SLC10A7: variants seen among roughly 807,000 people sequenced by gnomAD.
The protein encoded by SLC10A7 is solute carrier family 10 member 7, also known as sodium/bile acid cotransporter 7.
A neutral mutation model predicts 43.2 loss-of-function variants in SLC10A7; 29 were observed. The ratio of observed to expected loss-of-function variants is 0.67; its 90% CI spans 0.50 to 0.92. SLC10A7 has a LOEUF of 0.92. Among genes scored for constraint, SLC10A7 ranks in the 40% least tolerant of loss-of-function variants. The pLI is 0.00. For missense variants in SLC10A7, 295 were observed against 403.2 expected (o/e 0.73, Z 2.30); for synonymous variants, 152 against 144.8 (o/e 1.05, Z -0.35).
chr4:146,299,039 A>T (rs529661466), intron 7 of SLC10A7, among the ~76,000 whole-genome samples: 2 of 152,378 alleles, frequency 1.3e-5, no homozygotes, highest in East Asian at 3.8e-4. Context: ...TGAATGACAA[A>T]CTTTTATCAC....
chr4:146,398,606 T>C (rs949823240), intron 5 of SLC10A7, among the ~76,000 whole-genome samples: 5 of 152,320 alleles, frequency 3.3e-5, no homozygotes, highest in African/African-American at 4.8e-5. Flanking sequence ...GACCACAGCA[T>C]GCTGGAATTA....
rs1379596044 is a variant in SLC10A7, at chr4:146,256,144, G to A, written c.*347C>T. On this transcript the variant is annotated 3_prime_UTR_variant, in exon 12 of 12. Transcript: ENST00000335472. ...ATCAGAAGGGCATTTTCCTGATGGT[G>A]TGACCTCATTTCAAACATTACAGTA... 4.4e-6 allele frequency: 1 copy of A among 226,472 alleles called. No individual in the cohort carries two copies. The highest frequency in any genetic ancestry group is 5.5e-5 in the Admixed American group (1 of 18,020). The allele number at this position is 226,472 out of a possible 1,614,324, so 14.0% of individuals were successfully genotyped here. A position where few individuals can be genotyped will look rare whatever the true frequency, so the allele number is the denominator to read the frequency against.
chr4:146,456,035 C>A (rs535175727), intron 4 of SLC10A7, among the ~76,000 whole-genome samples: 1 of 151,556 alleles, frequency 6.6e-6, no homozygotes, highest in Non-Finnish European at 1.5e-5. Context: ...ATACTCCCAC[C>A]ACGGCCAATT....
intron 5 of SLC10A7, among the ~76,000 whole-genome samples, chr4:146,398,867 T>C (rs115302806): frequency 6.4e-4 from 98 of 152,338 alleles, no homozygotes; most frequent in Non-Finnish European, 1.1e-3. Flanking sequence ...ATGGTTCATT[T>C]ATTCTACAGA....
At chr4:146,396,397 A>G (rs1481503650) in intron 5 of SLC10A7, among the ~76,000 whole-genome samples, 2 of 152,116 alleles carry the variant, frequency 1.3e-5, no homozygotes, top group Non-Finnish European at 2.9e-5. Flanking sequence ...AATCAAATAA[A>G]TTATTTTTTA....
At chr4:146,467,562 CTTT>C (rs397995707) in intron 4 of SLC10A7, among the ~76,000 whole-genome samples, 2 of 92,842 alleles carry the variant, frequency 2.2e-5, no homozygotes, top group South Asian at 4.1e-4. Context: ...TTCTTTCTCT[CTTT>C]TTTTTTTTTT....
At chr4:146,407,840 G>A (rs894461447) in intron 5 of SLC10A7, among the ~76,000 whole-genome samples, 6 of 152,038 alleles carry the variant, frequency 3.9e-5, no homozygotes, top group African/African-American at 1.4e-4. Flanking sequence ...ACAGATAGCC[G>A]AGATATTGAT....
At chr4:146,436,825 C>T (rs1579183856) in intron 5 of SLC10A7, among the ~76,000 whole-genome samples, 1 of 151,918 alleles carries the variant, frequency 6.6e-6, no homozygotes, top group South Asian at 2.1e-4. Flanking sequence ...TTAATAGTAG[C>T]TTTTTTTTCC....
intron 10 of SLC10A7, among the ~76,000 whole-genome samples, chr4:146,282,943 T>C (rs1166172951): frequency 6.6e-6 from 1 of 152,178 alleles, no homozygotes; most frequent in Non-Finnish European, 1.5e-5. Context: ...GGTAATCTTG[T>C]ATGAGAATTG....
intron 4 of SLC10A7, among the ~76,000 whole-genome samples, chr4:146,497,792 A>T (rs1012174130): frequency 1.1e-4 from 16 of 151,746 alleles, no homozygotes; most frequent in Admixed American, 3.9e-4. Context: ...GTTTCTTTAA[A>T]TTTTTTTTTC....
intron 5 of SLC10A7, among the ~76,000 whole-genome samples, chr4:146,411,578 T>G (rs1728196747): frequency 1.3e-5 from 2 of 152,188 alleles, no homozygotes; most frequent in Non-Finnish European, 2.9e-5. Flanking sequence ...AGTATTAGTG[T>G]TACTAATGTA....
intron 5 of SLC10A7, among the ~76,000 whole-genome samples, chr4:146,328,528 GCA>G (rs1733314273): frequency 6.6e-6 from 1 of 152,118 alleles, no homozygotes; most frequent in South Asian, 2.1e-4. Flanking sequence ...CAGCACCCAT[GCA>G]CAGTGTTGGG....
chr4:146,256,647 C>T (rs893288044), intron 11 of SLC10A7, 127 bp from the exon 12 acceptor site: 46 of 1,111,744 alleles, frequency 4.1e-5, no homozygotes, highest in Middle Eastern at 4.0e-4. Context: ...ATCATATAAC[C>T]AATAATCCAA....
intron 4 of SLC10A7, among the ~76,000 whole-genome samples, chr4:146,462,548 A>T (rs376193265): frequency 3.3e-5 from 5 of 152,182 alleles, no homozygotes; most frequent in South Asian, 2.1e-4. Context: ...CTAATATGCT[A>T]TGTAGCTAAG....
chr4:146,425,132 C>G (rs538137735), intron 5 of SLC10A7, among the ~76,000 whole-genome samples: 1 of 152,186 alleles, frequency 6.6e-6, no homozygotes, highest in South Asian at 2.1e-4. Context: ...AGATCCCTGA[C>G]AAGCTGAACA....
rs1249143771 is a variant in SLC10A7, at chr4:146,392,645, T to C, written c.435+50138A>G. Among the ~76,000 whole-genome samples the C allele has an allele frequency of 2.0e-5, 3 of 152,044 alleles. No homozygotes were observed. In the East Asian group the frequency reaches 5.8e-4, roughly 29 times the overall value. On this transcript the variant is annotated intron_variant, in intron 5 of 11. Transcript: ENST00000335472. ...TATGAAGATGACAATAGCAAAAATA[T>C]CCACCAATATTTTTCCCCAAAGGTC...
At chr4:146,430,061 A>G (rs1024729278) in intron 5 of SLC10A7, among the ~76,000 whole-genome samples, 2 of 147,698 alleles carry the variant, frequency 1.4e-5, no homozygotes, top group Non-Finnish European at 2.9e-5. Context: ...AACATAGGGG[A>G]AAAATCTTTG....
At chr4:146,428,278 T>C (rs991331107) in intron 5 of SLC10A7, among the ~76,000 whole-genome samples, 2 of 152,218 alleles carry the variant, frequency 1.3e-5, no homozygotes, top group African/African-American at 4.8e-5. Flanking sequence ...CTGTCTCTTC[T>C]CCATTACATG....
intron 5 of SLC10A7, among the ~76,000 whole-genome samples, chr4:146,333,509 A>C (rs1733675738): frequency 6.6e-6 from 1 of 152,166 alleles, no homozygotes; most frequent in African/African-American, 2.4e-5. Flanking sequence ...AACTGAAAGA[A>C]GAAAAGGAGT....
Sources: allele counts gnomAD v4.1 joint callset (sites outside exome capture counted in the v4.1 genomes callset), GRCh38; gene constraint gnomAD v4.1.1; transcripts MANE v1.5; gene names NCBI Gene and HGNC (gene_info 2026-07-23, HGNC 2026-07-21).